The following PTPRG variants were observed in gnomAD, a reference collection of about 807,000 sequenced individuals.
PTPRG encodes the protein protein tyrosine phosphatase receptor type G.
PTPRG carries 102 observed loss-of-function variants against 165.3 expected under a neutral mutation model. That is an observed-to-expected ratio of 0.62 (90% CI 0.53 to 0.73). The LOEUF is 0.73. Among genes scored for constraint, PTPRG ranks in the 30% least tolerant of loss-of-function variants. The pLI, the probability that PTPRG is intolerant of heterozygous loss-of-function variation, is 0.00. For missense variants in PTPRG, 1,866 were observed against 1,861.4 expected (o/e 1.00, Z -0.05); for synonymous variants, 675 against 669.5 (o/e 1.01, Z -0.13).
chr3:62,276,170 G>A (rs1702228580), intron 24 of PTPRG, among the ~76,000 whole-genome samples: 1 of 152,060 alleles, frequency 6.6e-6, no homozygotes, highest in Non-Finnish European at 1.5e-5. Flanking sequence ...CTACCAAAAG[G>A]GAAAATGTTA....
intron 2 of PTPRG, among the ~76,000 whole-genome samples, chr3:61,837,079 C>T (rs1459625557): frequency 6.6e-6 from 1 of 152,120 alleles, no homozygotes; most frequent in Non-Finnish European, 1.5e-5. Flanking sequence ...CATGCCCGGC[C>T]AATTTTTGTA....
At chr3:61,951,038 A>G (rs1056973409) in intron 2 of PTPRG, among the ~76,000 whole-genome samples, 8 of 152,222 alleles carry the variant, frequency 5.3e-5, no homozygotes, top group African/African-American at 1.9e-4. Context: ...ACTGGTTAAA[A>G]TATCATTTTC....
chr3:61,863,020 G>A (rs1468390780), intron 2 of PTPRG, among the ~76,000 whole-genome samples: 2 of 151,400 alleles, frequency 1.3e-5, no homozygotes. Flanking sequence ...AAATCTATGA[G>A]GGCGAACTGT....
intron 1 of PTPRG, among the ~76,000 whole-genome samples, chr3:61,583,227 C>T (rs755581244): frequency 5.9e-5 from 9 of 152,284 alleles, no homozygotes; most frequent in Admixed American, 6.5e-5. Context: ...AATGTTGATA[C>T]GCATGGGAGC....
intron 1 of PTPRG, among the ~76,000 whole-genome samples, chr3:61,608,063 T>C (rs1464207802): frequency 6.6e-6 from 1 of 152,200 alleles, no homozygotes; most frequent in Non-Finnish European, 1.5e-5. Context: ...GAAATAATTG[T>C]CTTTTGGCTA....
chr3:61,671,079 C>T (rs1247973632), intron 1 of PTPRG, among the ~76,000 whole-genome samples: 1 of 150,816 alleles, frequency 6.6e-6, no homozygotes, highest in East Asian at 1.9e-4. Flanking sequence ...TTCGGCATCT[C>T]TCGGGGAAGA....
At chr3:62,216,872 C>T (rs1050556392) in intron 12 of PTPRG, among the ~76,000 whole-genome samples, 2 of 152,166 alleles carry the variant, frequency 1.3e-5, no homozygotes, top group African/African-American at 4.8e-5. Flanking sequence ...TGCAGAACAC[C>T]CTTCTTCCCC....
At chr3:61,903,114 C>A (rs1012313557) in intron 2 of PTPRG, among the ~76,000 whole-genome samples, 6 of 152,198 alleles carry the variant, frequency 3.9e-5, no homozygotes, top group Middle Eastern at 3.2e-3. Context: ...TTGCCTCAAA[C>A]AAACCATGCT....
chr3:61,847,065 C>T (rs1400207458), intron 2 of PTPRG, among the ~76,000 whole-genome samples: 1 of 152,102 alleles, frequency 6.6e-6, no homozygotes, highest in Non-Finnish European at 1.5e-5. Flanking sequence ...TTTCCCCTTT[C>T]CCCCAGTCAT....
intron 5 of PTPRG, among the ~76,000 whole-genome samples, chr3:62,087,451 C>G (rs1484679318): frequency 6.6e-6 from 1 of 152,148 alleles, no homozygotes; most frequent in Non-Finnish European, 1.5e-5. Context: ...AAATAGAATA[C>G]AAACACCACT....
At chr3:62,172,730 T>C (rs1705265169) in intron 8 of PTPRG, among the ~76,000 whole-genome samples, 1 of 150,490 alleles carries the variant, frequency 6.6e-6, no homozygotes, top group African/African-American at 2.5e-5. Flanking sequence ...TCTACTCTTC[T>C]GCGAAAAAAA....
chr3:62,177,598 C>T (rs1342209035), intron 8 of PTPRG, among the ~76,000 whole-genome samples: 1 of 152,196 alleles, frequency 6.6e-6, no homozygotes, highest in Non-Finnish European at 1.5e-5. Flanking sequence ...AGGTGGTCCA[C>T]ACATCAAGTC....
At chr3:61,707,649 A>T (rs1170773754) in intron 1 of PTPRG, among the ~76,000 whole-genome samples, 1 of 152,208 alleles carries the variant, frequency 6.6e-6, no homozygotes. Flanking sequence ...ATCAATTCAA[A>T]TGTTAATCTC....
At chr3:61,920,858 A>T (rs2039060769) in intron 2 of PTPRG, among the ~76,000 whole-genome samples, 1 of 152,224 alleles carries the variant, frequency 6.6e-6, no homozygotes, top group African/African-American at 2.4e-5. Context: ...AGAATTGGAA[A>T]TACTTAAAAA....
At chr3:62,098,360 T>TG (rs1702184218) in intron 5 of PTPRG, among the ~76,000 whole-genome samples, 1 of 152,062 alleles carries the variant, frequency 6.6e-6, no homozygotes, top group Non-Finnish European at 1.5e-5. Flanking sequence ...TAGAGATGAG[T>TG]TAAAGTAAGC....
chr3:62,083,713 C>CT (rs1408166257), intron 5 of PTPRG, among the ~76,000 whole-genome samples: 2 of 152,174 alleles, frequency 1.3e-5, no homozygotes, highest in African/African-American at 4.8e-5. Flanking sequence ...GGCCAAGAAT[C>CT]TTTTATCGTC....
At chr3:61,728,590 AC>A (rs1241904371) in intron 1 of PTPRG, among the ~76,000 whole-genome samples, 3 of 152,146 alleles carry the variant, frequency 2.0e-5, no homozygotes, top group Admixed American at 2.0e-4. Context: ...CTCAAAAAAA[AC>A]AAGTTAAAAA....
intron 5 of PTPRG, among the ~76,000 whole-genome samples, chr3:62,113,735 T>C (rs1443712795): frequency 6.6e-6 from 1 of 152,202 alleles, no homozygotes; most frequent in Non-Finnish European, 1.5e-5. Flanking sequence ...ATATGTTACC[T>C]GAATAAAACG....
At chr3:61,865,720 C>T (rs2037387730) in intron 2 of PTPRG, among the ~76,000 whole-genome samples, 1 of 152,148 alleles carries the variant, frequency 6.6e-6, no homozygotes, top group South Asian at 2.1e-4. Flanking sequence ...AGTTCTTCTT[C>T]CTCTCTTCAT....
Sources: allele counts gnomAD v4.1 joint callset (sites outside exome capture counted in the v4.1 genomes callset), GRCh38; gene constraint gnomAD v4.1.1; transcripts MANE v1.5; gene names NCBI Gene and HGNC (gene_info 2026-07-23, HGNC 2026-07-21).